Variants in NTN1 observed in about 807,000 individuals in gnomAD.
NTN1 encodes the protein netrin 1.
Under a neutral mutation model 54.2 loss-of-function variants are expected in NTN1, and 11 were observed. That is an observed-to-expected ratio of 0.20 (90% CI 0.13 to 0.34). The LOEUF (loss-of-function observed/expected upper bound fraction) is 0.34, where lower values mean the gene tolerates loss of function less well. Among genes scored for constraint, NTN1 ranks in the 10% least tolerant of loss-of-function variants. The pLI, the probability that NTN1 is intolerant of heterozygous loss-of-function variation, is 1.00. For synonymous variants in NTN1, 371 were observed against 382.0 expected (o/e 0.97, Z 0.33); for missense variants, 740 against 893.1 (o/e 0.83, Z 2.18).
intron 2 of NTN1, among the ~76,000 whole-genome samples, chr17:9,042,511 T>TG (rs60251865): frequency 1 from 151,231 of 151,232 alleles, 75,615 homozygotes; most frequent in Non-Finnish European, 1. Flanking sequence ...ACTGTGAGGC[T>TG]GGCGCGGTGG....
At chr17:9,229,902 G>C (rs768962328) in intron 6 of NTN1, among the ~76,000 whole-genome samples, 1 of 152,158 alleles carries the variant, frequency 6.6e-6, no homozygotes, top group African/African-American at 2.4e-5. Flanking sequence ...ATGTGGGTCA[G>C]TGTGTGGTGG....
chr17:9,191,865 TAAAAAAAA>T (rs60675960), intron 5 of NTN1, among the ~76,000 whole-genome samples: 7 of 89,174 alleles, frequency 7.8e-5, no homozygotes, highest in East Asian at 3.2e-4. Flanking sequence ...TTATCGCTAC[TAAAAAAAA>T]AAAAAAAAAA....
chr17:9,060,561 A>T (rs1260073840), intron 2 of NTN1, among the ~76,000 whole-genome samples: 1 of 152,164 alleles, frequency 6.6e-6, no homozygotes, highest in Non-Finnish European at 1.5e-5. Context: ...GCAGTTGAGG[A>T]CGGCCATGGT....
chr17:9,159,788 G>A (rs1174789265), intron 2 of NTN1, among the ~76,000 whole-genome samples: 2 of 152,018 alleles, frequency 1.3e-5, no homozygotes, highest in African/African-American at 2.4e-5. Flanking sequence ...GCTACAGAAC[G>A]AGACTCCATC....
intron 2 of NTN1, among the ~76,000 whole-genome samples, chr17:9,057,120 A>G (rs73264127): frequency 0.093 from 14,045 of 151,580 alleles, 2,235 homozygotes; most frequent in African/African-American, 0.32. Flanking sequence ...TGGGGGCTGG[A>G]GTGTACCCCC....
Position 9,143,487 on chromosome 17 carries a change from G to T in NTN1, c.1019-19326G>T, listed in dbSNP as rs28735869. Among the ~76,000 whole-genome samples the T allele has an allele frequency of 2.1e-5, 3 of 144,370 alleles. No individual in the cohort carries two copies. In the Admixed American group the frequency reaches 2.1e-4, roughly 10 times the overall value. The allele number at this position is 144,370 out of a possible 152,430, so 94.7% of individuals were successfully genotyped here. On this transcript the variant is annotated intron_variant, in intron 2 of 6. Transcript: ENST00000173229. ...CATCCTCACTTTGCTGTGCCCTTTT[G>T]GTTTTTACATTGCCTGCTCTGTCTT... is the stretch of plus-strand genomic sequence containing the variant.
At position 9,053,049 on chromosome 17, in the gene NTN1, C is replaced by A. The variant is rs150232164; in HGVS notation, c.1018+29658C>A. Among the ~76,000 whole-genome samples, 5 of 152,280 alleles carry A rather than the reference C, an allele frequency of 3.3e-5. No homozygotes were observed. The East Asian group carries it at 9.6e-4, about 29-fold the overall frequency. ...CTTTCCCATTGTTGAACTTGGATGACGATGTAATTGGCAAACTGTAGCCCG... is the reference window on the plus strand; with the variant it reads ...CTTTCCCATTGTTGAACTTGGATGAAGATGTAATTGGCAAACTGTAGCCCG... On this transcript the variant is annotated intron_variant, in intron 2 of 6. Coordinates refer to ENST00000173229, the MANE Select transcript of NTN1 (RefSeq NM_004822.3).
intron 6 of NTN1, among the ~76,000 whole-genome samples, chr17:9,225,062 A>G (rs1353668199): frequency 2.0e-5 from 3 of 151,970 alleles, no homozygotes; most frequent in Non-Finnish European, 4.4e-5. Flanking sequence ...GGAGTTTGAA[A>G]CCAGTCTGGC....
chr17:9,204,438 C>T (rs1260325699), intron 5 of NTN1, among the ~76,000 whole-genome samples: 3 of 152,014 alleles, frequency 2.0e-5, no homozygotes, highest in Non-Finnish European at 4.4e-5. Flanking sequence ...GGACTACAGG[C>T]GCCCACCACC....
intron 2 of NTN1, among the ~76,000 whole-genome samples, chr17:9,153,363 C>A (rs1027635713): frequency 6.6e-6 from 1 of 152,004 alleles, no homozygotes; most frequent in Non-Finnish European, 1.5e-5. Flanking sequence ...GCAGGAGAAT[C>A]GCTTGAACCT....
chr17:9,050,750 C>G (rs114197889), intron 2 of NTN1, among the ~76,000 whole-genome samples: 1 of 151,514 alleles, frequency 6.6e-6, no homozygotes, highest in African/African-American at 2.4e-5. Flanking sequence ...CTCTCAGCCT[C>G]GTTTTCATCT....
At chr17:9,116,406 T>TTA (rs59377385) in intron 2 of NTN1, among the ~76,000 whole-genome samples, 13,623 of 148,286 alleles carry the variant, frequency 0.092, 701 homozygotes, top group Middle Eastern at 0.16. Flanking sequence ...AGCTGGGTGA[T>TTA]TTCTAGAGTC....
At chr17:9,203,903 C>T (rs1017030627) in intron 5 of NTN1, among the ~76,000 whole-genome samples, 1 of 152,158 alleles carries the variant, frequency 6.6e-6, no homozygotes, top group African/African-American at 2.4e-5. Context: ...AAACCATGCC[C>T]TCTAAGTTTG....
intron 5 of NTN1, among the ~76,000 whole-genome samples, chr17:9,215,055 C>T (rs952710258): frequency 7.2e-5 from 11 of 152,008 alleles, no homozygotes; most frequent in Non-Finnish European, 1.6e-4. Context: ...CTGTGATTAT[C>T]TTTGGGTTTT....
chr17:9,164,027 GAA>G (rs2092366894), intron 3 of NTN1, among the ~76,000 whole-genome samples: 1 of 152,264 alleles, frequency 6.6e-6, no homozygotes, highest in African/African-American at 2.4e-5. Context: ...CTGCAGGAGA[GAA>G]ACCCTTCTGT....
intron 2 of NTN1, among the ~76,000 whole-genome samples, chr17:9,113,905 G>C (rs924972957): frequency 1.3e-5 from 2 of 151,916 alleles, no homozygotes; most frequent in South Asian, 4.2e-4. Context: ...GCTCACGCCT[G>C]TAATCCCAGC....
chr17:9,217,798 T>C (rs1013003573), intron 5 of NTN1, among the ~76,000 whole-genome samples: 3 of 150,912 alleles, frequency 2.0e-5, no homozygotes, highest in African/African-American at 7.4e-5. Context: ...AGGGGACATT[T>C]TGCAACAAGC....
At chr17:9,056,562 C>G (rs1252292267) in intron 2 of NTN1, among the ~76,000 whole-genome samples, 1 of 152,180 alleles carries the variant, frequency 6.6e-6, no homozygotes, top group African/African-American at 2.4e-5. Flanking sequence ...TAGAGACCAC[C>G]AAGTAGGTCT....
chr17:9,194,097 A>G (rs544166103), intron 5 of NTN1, among the ~76,000 whole-genome samples: 3 of 151,838 alleles, frequency 2.0e-5, no homozygotes, highest in South Asian at 2.1e-4. Context: ...TCAGCTGGAC[A>G]TGGTGGCAGG....
Sources: allele counts gnomAD v4.1 joint callset (sites outside exome capture counted in the v4.1 genomes callset), GRCh38; gene constraint gnomAD v4.1.1; transcripts MANE v1.5; gene names NCBI Gene and HGNC (gene_info 2026-07-23, HGNC 2026-07-21).